Variants in SRRM4 observed in about 807,000 individuals in gnomAD.
SRRM4 encodes the protein serine/arginine repetitive matrix protein 4.
Under a neutral mutation model 68.9 loss-of-function variants are expected in SRRM4, and 33 were observed. The ratio of observed to expected loss-of-function variants is 0.48; its 90% confidence interval spans 0.36 to 0.64. The LOEUF (loss-of-function observed/expected upper bound fraction) is 0.64. Among genes scored for constraint, SRRM4 ranks in the 30% least tolerant of loss-of-function variants. The pLI, the probability that SRRM4 is intolerant of heterozygous loss-of-function variation, is 0.00. For missense variants in SRRM4, 817 were observed against 827.1 expected (o/e 0.99, Z 0.15); for synonymous variants, 318 against 318.8 (o/e 1.00, Z 0.03).
chr12:119,008,173 G>T (rs1247328875), intron 1 of SRRM4, among the ~76,000 whole-genome samples: 1 of 152,000 alleles, frequency 6.6e-6, no homozygotes, highest in Non-Finnish European at 1.5e-5. Context: ...AGGCTGAGGT[G>T]GGCAGGTTGC....
intron 8 of SRRM4, among the ~76,000 whole-genome samples, chr12:119,141,139 C>T (rs369984888): frequency 5.3e-5 from 8 of 152,140 alleles, no homozygotes; most frequent in South Asian, 2.1e-4. Flanking sequence ...GACAAGGTTT[C>T]GCCATGTTGG....
At chr12:119,109,131 A>C in intron 2 of SRRM4, among the ~76,000 whole-genome samples, 1 of 152,124 alleles carries the variant, frequency 6.6e-6, no homozygotes, top group Non-Finnish European at 1.5e-5. Flanking sequence ...CTTTTCTTTA[A>C]GAATGTTGAA....
chr12:119,068,390 G>A (rs918016128), intron 1 of SRRM4, among the ~76,000 whole-genome samples: 1 of 152,162 alleles, frequency 6.6e-6, no homozygotes, highest in Non-Finnish European at 1.5e-5. Context: ...AGGACAAAAA[G>A]GGAGCCAAGG....
intron 6 of SRRM4, 147 bp from the exon 7 acceptor site, chr12:119,125,234 C>T (rs1410971067): frequency 1.0e-5 from 7 of 675,810 alleles, no homozygotes; most frequent in East Asian, 5.8e-5. Context: ...GCTGGACTAA[C>T]GCATGGGGTT....
chr12:119,119,050 A>ATT (rs34814921), intron 4 of SRRM4, among the ~76,000 whole-genome samples: 25,111 of 135,638 alleles, frequency 0.19, 2,493 homozygotes, highest in Admixed American at 0.23. Context: ...AAGCACTGAG[A>ATT]TTTTTTTTTT....
chr12:119,029,579 C>T (rs569693025), intron 1 of SRRM4, among the ~76,000 whole-genome samples: 13 of 152,316 alleles, frequency 8.5e-5, no homozygotes, highest in Non-Finnish European at 1.5e-4. Flanking sequence ...CAGAAGTGAT[C>T]CTTGTCTTTC....
chr12:119,015,824 T>C (rs1953477631), intron 1 of SRRM4, among the ~76,000 whole-genome samples: 1 of 152,150 alleles, frequency 6.6e-6, no homozygotes, highest in Non-Finnish European at 1.5e-5. Flanking sequence ...GATTTCTGCA[T>C]GGTCAAGTCC....
chr12:119,099,594 G>A (rs78155835), intron 1 of SRRM4, among the ~76,000 whole-genome samples: 6,242 of 152,282 alleles, frequency 0.041, 201 homozygotes, highest in East Asian at 0.096. Context: ...AGTTATTATG[G>A]TTCATAGTTT....
intron 8 of SRRM4, among the ~76,000 whole-genome samples, chr12:119,134,382 TAAA>T (rs55867545): frequency 1.9e-4 from 22 of 116,430 alleles, no homozygotes; most frequent in South Asian, 1.2e-3. Context: ...AGAGAGATTG[TAAA>T]AAAAAAAAAA....
At chr12:118,990,751 C>A (rs1447268825) in intron 1 of SRRM4, among the ~76,000 whole-genome samples, 1 of 152,190 alleles carries the variant, frequency 6.6e-6, no homozygotes. Context: ...TTGAAAAGCA[C>A]ATCAGACCAT....
intron 1 of SRRM4, among the ~76,000 whole-genome samples, chr12:119,101,948 A>G (rs1293414788): frequency 1.3e-5 from 2 of 152,162 alleles, no homozygotes; most frequent in African/African-American, 4.8e-5. Flanking sequence ...TGATGTGGTG[A>G]AGGCATCTTT....
intron 1 of SRRM4, among the ~76,000 whole-genome samples, chr12:119,063,837 C>T (rs1194537086): frequency 6.6e-6 from 1 of 152,128 alleles, no homozygotes; most frequent in African/African-American, 2.4e-5. Flanking sequence ...TATCTATTCT[C>T]TTGTGAATGA....
intron 9 of SRRM4, 52 bp from the exon 10 acceptor site, chr12:119,150,965 T>A: frequency 1.3e-6 from 2 of 1,560,768 alleles, no homozygotes; most frequent in Admixed American, 1.8e-5. Flanking sequence ...TCAAACAAGA[T>A]GCTCCCAGAG....
chr12:119,110,762 C>G (rs539711624), intron 2 of SRRM4, among the ~76,000 whole-genome samples: 386 of 152,314 alleles, frequency 2.5e-3, no homozygotes, highest in Non-Finnish European at 4.3e-3. Context: ...TTCCCTGACC[C>G]CTTGCACTTC....
rs925859955 is a variant in SRRM4 at position 119,055,625 on chromosome 12, C to T, written c.132-46611C>T. On this transcript the variant is annotated intron_variant, in intron 1 of 12. Coordinates refer to ENST00000267260, the MANE Select transcript of SRRM4 (RefSeq NM_194286.4). ...GCACTGTGCTGGATATTTTTATATG[C>T]CACCTCATTTAGTTGTCAGATGACC... Among the ~76,000 whole-genome samples, 14 of 152,290 alleles carry T rather than the reference C, an allele frequency of 9.2e-5. No individual in the cohort carries two copies. The South Asian group carries it at 2.9e-3, about 32-fold the overall frequency.
chr12:119,111,560 T>G (rs1954143746), intron 2 of SRRM4, among the ~76,000 whole-genome samples: 1 of 152,228 alleles, frequency 6.6e-6, no homozygotes, highest in Non-Finnish European at 1.5e-5. Flanking sequence ...AAAAGATTTT[T>G]TTTTCTCTCA....
chr12:118,992,915 G>A (rs917509312), intron 1 of SRRM4, among the ~76,000 whole-genome samples: 1 of 152,102 alleles, frequency 6.6e-6, no homozygotes, highest in Non-Finnish European at 1.5e-5. Context: ...ATTCCTTGGG[G>A]GAAGAAGACA....
chr12:119,089,288 A>C (rs1303678849), intron 1 of SRRM4, among the ~76,000 whole-genome samples: 2 of 152,182 alleles, frequency 1.3e-5, no homozygotes, highest in Non-Finnish European at 2.9e-5. Flanking sequence ...ATAATCATGA[A>C]GCTGACTGCC....
chr12:119,140,370 T>G lies in SRRM4; in HGVS notation c.772-5011T>G, dbSNP rs533181834. On this transcript the variant is annotated intron_variant, in intron 8 of 12. Coordinates refer to ENST00000267260, the MANE Select transcript of SRRM4 (RefSeq NM_194286.4). ...TCCAGCCTGGGCAACAGAGCGAGAC[T>G]CTGTCTCAAAAAAAAAAAAAAAATT... Among the ~76,000 whole-genome samples, 415 of 128,384 alleles carry G rather than the reference T, an allele frequency of 3.2e-3. 3 individuals carry two copies. Among genetic ancestry groups the G allele is most frequent in the African/African-American group, 0.012 (380 of 32,284 alleles). 84.2% of individuals were successfully genotyped at this position (128,384 alleles called of 152,430 possible). A position where few individuals can be genotyped will look rare whatever the true frequency, so the allele number is the denominator to read the frequency against.
Sources: gnomAD v4.1 joint callset for allele counts (sites outside exome capture counted in the v4.1 genomes callset) on GRCh38, gnomAD v4.1.1 for gene constraint, MANE v1.5 for transcripts, NCBI Gene and HGNC (gene_info 2026-07-23, HGNC 2026-07-21) for gene names.